SGCD: variants seen among roughly 807,000 people sequenced by gnomAD.
The protein encoded by SGCD is sarcoglycan delta, also known as delta-sarcoglycan.
A neutral mutation model predicts 36.6 loss-of-function variants in SGCD; 18 were observed. The ratio of observed to expected loss-of-function variants is 0.49; its 90% CI spans 0.34 to 0.73. The LOEUF (loss-of-function observed/expected upper bound fraction) is 0.73, where lower values mean the gene tolerates loss of function less well. SGCD is among the 30% of genes least tolerant of loss of function. The probability of loss-of-function intolerance (pLI) is 0.01; values close to 1 mark genes in which losing one functional copy is unlikely to be tolerated. For synonymous variants in SGCD, 133 were observed against 130.6 expected, an observed-to-expected ratio of 1.02 and a Z score of -0.12; for missense variants, 387 against 346.7, an observed-to-expected ratio of 1.12 and a Z score of -0.92.
chr5:156,277,731 G>A lies in SGCD; in HGVS notation c.-43-51803G>A, dbSNP rs1221893848. On this transcript the variant is annotated intron_variant, in intron 3 of 9. Coordinates refer to the SGCD transcript ENST00000517913. ...GGTTGTTTTTGCCTCAGTGAATAAT[G>A]TTTTGCTTTATAGGCAAACTAGCCT... is the stretch of plus-strand genomic sequence containing the variant. Among the ~76,000 whole-genome samples, 3 of 152,294 alleles carry A rather than the reference G, an allele frequency of 2.0e-5. No individual in the cohort carries two copies. In the East Asian group the frequency reaches 5.8e-4, roughly 29 times the overall value.
At chr5:156,406,815 TATATAC>T (rs1485103966) in intron 3 of SGCD, among the ~76,000 whole-genome samples, 63 of 110,964 alleles carry the variant, frequency 5.7e-4, no homozygotes, top group Non-Finnish European at 9.5e-4. Context: ...TATATATATA[TATATAC>T]ACACACACAC....
At chr5:156,261,208 A>G (rs1354530027) in intron 3 of SGCD, among the ~76,000 whole-genome samples, 1 of 152,176 alleles carries the variant, frequency 6.6e-6, no homozygotes, top group African/African-American at 2.4e-5. Context: ...GAGTTTCTAT[A>G]GTATTAAGAT....
At chr5:156,130,488 TTTAA>T (rs1198958583) in intron 3 of SGCD, among the ~76,000 whole-genome samples, 1 of 152,150 alleles carries the variant, frequency 6.6e-6, no homozygotes, top group Non-Finnish European at 1.5e-5. Context: ...TGCTCTTAAG[TTTAA>T]TTAGATTCCA....
intron 3 of SGCD, among the ~76,000 whole-genome samples, chr5:156,208,191 C>T (rs1323998754): frequency 6.6e-6 from 1 of 152,222 alleles, no homozygotes; most frequent in Non-Finnish European, 1.5e-5. Flanking sequence ...TAGTACACAA[C>T]TTGAAGACAG....
At chr5:156,079,123 A>G (rs1760880052) in intron 1 of SGCD, among the ~76,000 whole-genome samples, 1 of 152,100 alleles carries the variant, frequency 6.6e-6, no homozygotes, top group African/African-American at 2.4e-5. Context: ...GAGGAGGCAC[A>G]TCACATGGTG....
chr5:155,905,833 C>T (rs1156375263), intron 1 of SGCD, among the ~76,000 whole-genome samples: 2 of 152,096 alleles, frequency 1.3e-5, no homozygotes, highest in African/African-American at 2.4e-5. Context: ...AAGTACCTTT[C>T]ACCTCCTGCC....
chr5:155,922,465 A>C (rs1756898077), intron 1 of SGCD, among the ~76,000 whole-genome samples: 1 of 152,196 alleles, frequency 6.6e-6, no homozygotes, highest in Non-Finnish European at 1.5e-5. Flanking sequence ...GCAACAGGAT[A>C]AACATGAACT....
chr5:155,792,740 G>A, the SGCD span, among the ~76,000 whole-genome samples: 11 of 151,868 alleles, frequency 7.2e-5, no homozygotes, highest in African/African-American at 2.4e-4. Context: ...GCTACTTTAC[G>A]AAGTAAAAAA....
chr5:155,978,836 A>G (rs1758173148), intron 1 of SGCD, among the ~76,000 whole-genome samples: 1 of 152,172 alleles, frequency 6.6e-6, no homozygotes, highest in Non-Finnish European at 1.5e-5. Flanking sequence ...TTTAAAAAAA[A>G]AAAGAGTTAA....
At chr5:156,075,327 T>C (rs900788251) in intron 1 of SGCD, among the ~76,000 whole-genome samples, 1 of 152,050 alleles carries the variant, frequency 6.6e-6, no homozygotes, top group African/African-American at 2.4e-5. Context: ...TTTAAAATAA[T>C]AGTGAAAAAA....
At chr5:156,653,416 A>G (rs968143339) in intron 7 of SGCD, among the ~76,000 whole-genome samples, 1 of 129,914 alleles carries the variant, frequency 7.7e-6, no homozygotes, top group Non-Finnish European at 1.6e-5. Context: ...GATCTTTTGT[A>G]TTTCTGTGGG....
At chr5:156,130,176 AG>A (rs1762281105) in intron 3 of SGCD, among the ~76,000 whole-genome samples, 1 of 152,184 alleles carries the variant, frequency 6.6e-6, no homozygotes, top group South Asian at 2.1e-4. Context: ...TTTTAGTAAT[AG>A]CCATTCTGAC....
intron 3 of SGCD, among the ~76,000 whole-genome samples, chr5:156,441,237 A>C (rs1422411585): frequency 1.3e-5 from 2 of 152,146 alleles, no homozygotes; most frequent in East Asian, 3.9e-4. Flanking sequence ...CACCTCTAAC[A>C]AGCGTAATAC....
intron 6 of SGCD, among the ~76,000 whole-genome samples, chr5:156,621,783 C>T (rs1476614970): frequency 6.6e-6 from 1 of 152,122 alleles, no homozygotes; most frequent in African/African-American, 2.4e-5. Flanking sequence ...GTAGAATGTC[C>T]AAATATAAGA....
At chr5:156,152,071 CT>C (rs1408551705) in intron 3 of SGCD, among the ~76,000 whole-genome samples, 1 of 150,092 alleles carries the variant, frequency 6.7e-6, no homozygotes, top group Non-Finnish European at 1.5e-5. Context: ...TGAAAATGGT[CT>C]TAAAAAAAAA....
chr5:156,185,212 CT>C (rs755578762), intron 3 of SGCD, among the ~76,000 whole-genome samples: 10,125 of 112,996 alleles, frequency 0.09, 512 homozygotes, highest in African/African-American at 0.25. Context: ...CTTTAATTTT[CT>C]TTTTTTTTTT....
At chr5:156,286,074 T>C (rs757813777) in intron 3 of SGCD, among the ~76,000 whole-genome samples, 5 of 152,150 alleles carry the variant, frequency 3.3e-5, no homozygotes, top group Admixed American at 1.3e-4. Context: ...CATCAAAAAA[T>C]GCTCATCAGC....
At position 156,692,095 on chromosome 5, in the gene SGCD, A is replaced by T. The variant is rs1435245769; in HGVS notation, c.575+44559A>T. Among the ~76,000 whole-genome samples, 4 of 152,228 alleles carry T rather than the reference A, an allele frequency of 2.6e-5. No individual in the cohort carries two copies. The East Asian group carries it at 7.7e-4, about 29-fold the overall frequency. On this transcript the variant is annotated intron_variant, in intron 7 of 8. Transcript: ENST00000337851. ...AAATTAGAAGTTCACAGTAAAAAAC[A>T]AATTCCCACATAAATCCCAATTTCC...
intron 3 of SGCD, among the ~76,000 whole-genome samples, chr5:156,258,534 C>G (rs899933763): frequency 6.6e-6 from 1 of 152,100 alleles, no homozygotes; most frequent in Non-Finnish European, 1.5e-5. Flanking sequence ...AAAATAGCCA[C>G]GATTGTCTAA....
Sources: allele counts gnomAD v4.1 joint callset (sites outside exome capture counted in the v4.1 genomes callset), GRCh38; gene constraint gnomAD v4.1.1; transcripts MANE v1.5; gene names NCBI Gene and HGNC (gene_info 2026-07-23, HGNC 2026-07-21).